PCNT: variants seen among roughly 807,000 people sequenced by gnomAD.
PCNT encodes pericentrin, also known as kendrin.
A neutral mutation model predicts 380.4 loss-of-function variants in PCNT; 319 were observed. The ratio of observed to expected loss-of-function variants is 0.84; its 90% CI spans 0.77 to 0.92. The LOEUF (loss-of-function observed/expected upper bound fraction) is 0.92. PCNT is among the 40% of genes least tolerant of loss of function. The probability of loss-of-function intolerance (pLI) is 0.00; values close to 1 mark genes in which losing one functional copy is unlikely to be tolerated. For missense variants in PCNT, 4,400 were observed against 4,255.3 expected (o/e 1.03, Z -0.95); for synonymous variants, 1,845 against 1,735.2 (o/e 1.06, Z -1.57).
chr21:46,397,378 G>C lies in PCNT; in HGVS notation c.4330G>C (p.Glu1444Gln). The change falls in exon 22 of 47, where the codon GAA becomes CAA. Residue 1444 changes from glutamate (E) to glutamine (Q), a missense_variant. Physicochemically the swap from Glu to Gln is conservative, Grantham distance 29. Coordinates refer to ENST00000359568, the MANE Select transcript of PCNT (RefSeq NM_006031.6). ...GATGAAGATTTTGGAGTCTGAGTTA[G>C]AAGAACAGCTGTCTCAGCATCGCGG... is the stretch of plus-strand genomic sequence containing the variant. ...SQMKILESEL[E>Q]EQLSQHRGCA... is the part of the protein sequence containing the mutation. 1.2e-6 allele frequency: 2 copies of C among 1,614,182 alleles called. No individual in the cohort carries two copies. Among genetic ancestry groups the C allele is most frequent in the Non-Finnish European group, 1.7e-6 (2 of 1,180,038 alleles).
At chr21:46,408,726 T>C (rs2086692252) in intron 27 of PCNT, among the ~76,000 whole-genome samples, 1 of 150,022 alleles carries the variant, frequency 6.7e-6, no homozygotes. Flanking sequence ...AAAGTTTTTT[T>C]TTTTTTTTTT....
rs1464353724 is a variant in PCNT, at chr21:46,381,220, G to A, written c.3166-474G>A. Reference sequence around the variant, plus strand: ...TCTGTGTGTGTGTGTGTGTGTGTGTGTGTGTGTGTGTGTGTGTGTGTGTGT... The same window carrying A: ...TCTGTGTGTGTGTGTGTGTGTGTGTATGTGTGTGTGTGTGTGTGTGTGTGT... On this transcript the variant is annotated intron_variant, in intron 15 of 46. Transcript: ENST00000359568. Among the ~76,000 whole-genome samples, 3 of 147,570 alleles carry A rather than the reference G, an allele frequency of 2.0e-5. 1 individual carries two copies. The highest frequency in any genetic ancestry group is 7.7e-5 in the African/African-American group (3 of 39,144).
intron 5 of PCNT, 26 bp downstream of exon 5, chr21:46,347,024 G>A: frequency 6.3e-7 from 1 of 1,584,476 alleles, no homozygotes; most frequent in East Asian, 2.3e-5. Flanking sequence ...GCGGGCACGG[G>A]CAGCGTGTGG....
At chr21:46,417,254 C>T (rs546312844) in intron 30 of PCNT, among the ~76,000 whole-genome samples, 42 of 126,782 alleles carry the variant, frequency 3.3e-4, no homozygotes, top group Admixed American at 1.1e-3. Flanking sequence ...AGTGCAGTGA[C>T]GCAATCTCGG....
chr21:46,422,067 G>A lies in PCNT; in HGVS notation c.7122G>A (p.Arg2374=), dbSNP rs775668957. The change falls in exon 32 of 47, where the codon AGG becomes AGA. Residue 2374 remains arginine (R), a synonymous_variant. Coordinates refer to ENST00000359568, the MANE Select transcript of PCNT (RefSeq NM_006031.6). ...GPVTPASISG[R]FQPLPEAMKE... The stretch of plus-strand genomic sequence containing the variant: ...TGACCCCTGCTTCCATCTCTGGAAG[G>A]TTTCAGCCGCTGCCGGAAGCCATGA... 6.2e-7 allele frequency: 1 copy of A among 1,613,860 alleles called. No individual in the cohort carries two copies. The highest frequency in any genetic ancestry group is 1.7e-5 in the Admixed American group (1 of 60,036).
At chr21:46,423,730 A>C in intron 32 of PCNT, among the ~76,000 whole-genome samples, 1 of 2,356 alleles carries the variant, frequency 4.2e-4, no homozygotes, top group Non-Finnish European at 7.9e-4. Flanking sequence ...AGAGAAGGGG[A>C]GGGGGAGGGG....
chr21:46,325,068 C>G (rs1273704597), intron 1 of PCNT: 9 of 985,404 alleles, frequency 9.1e-6, no homozygotes, highest in East Asian at 1.1e-4. Flanking sequence ...CCCCGGGTTT[C>G]TCCGTGAAAA....
Position 46,440,695 on chromosome 21 carries a change from T to A in PCNT, c.9394-160T>A, listed in dbSNP as rs577486720. On this transcript the variant is annotated intron_variant, in intron 42 of 46. Coordinates refer to ENST00000359568, the MANE Select transcript of PCNT (RefSeq NM_006031.6). ...AATTGATCTTCCAACAGCAAGGTTG[T>A]TTCTGGCCACAGATACTGTTGGAAG... 3.2e-3 allele frequency among the ~76,000 whole-genome samples: 468 copies of A among 147,686 alleles called. 4 individuals are homozygous for A. Among genetic ancestry groups the A allele is most frequent in the African/African-American group, 0.011 (446 of 39,710 alleles).
At chr21:46,354,175 A>G (rs2084385392) in intron 11 of PCNT, 107 bp downstream of exon 11, 20 of 1,008,892 alleles carry the variant, frequency 2.0e-5, no homozygotes, top group Admixed American at 1.5e-4. Flanking sequence ...CACCTTGTCC[A>G]GGGGAGGAAG....
intron 8 of PCNT, among the ~76,000 whole-genome samples, chr21:46,350,073 G>A (rs972545292): frequency 6.6e-6 from 1 of 152,148 alleles, no homozygotes; most frequent in Non-Finnish European, 1.5e-5. Flanking sequence ...CAGCTACTCG[G>A]GAGGCTGAGG....
intron 3 of PCNT, among the ~76,000 whole-genome samples, chr21:46,342,552 T>C (rs2146486928): frequency 6.6e-6 from 1 of 151,882 alleles, no homozygotes; most frequent in Middle Eastern, 3.4e-3. Flanking sequence ...TTTTTCTTTT[T>C]TTTTTGAGAC....
chr21:46,383,433 G>A (rs1374301615), intron 16 of PCNT, among the ~76,000 whole-genome samples: 3 of 142,946 alleles, frequency 2.1e-5, no homozygotes, highest in East Asian at 2.2e-4. Flanking sequence ...TGGCAGAAGC[G>A]CATTCACGGT....
chr21:46,444,134 T>C (rs1014922091), intron 45 of PCNT, among the ~76,000 whole-genome samples, 186 bp downstream of exon 45: 1 of 152,268 alleles, frequency 6.6e-6, no homozygotes, highest in African/African-American at 2.4e-5. Flanking sequence ...CTGGCTTTTC[T>C]GGTGTCTCTG....
chr21:46,351,536 G>A lies in PCNT; in HGVS notation c.1452G>A (p.Leu484=). The change falls in exon 9 of 47, where the codon TTG becomes TTA. Residue 484 remains leucine (L), a synonymous_variant. Coordinates refer to ENST00000359568, the MANE Select transcript of PCNT (RefSeq NM_006031.6). ...LDSARTSRQE[L]SELHEQLLAR... ...CTGCCAGGACCAGTAGACAGGAATT[G>A]AGTGGTGAGGAATTGTATTGGAAAA... 6.4e-7 allele frequency: 1 copy of A among 1,563,482 alleles called. No homozygotes were observed. Among genetic ancestry groups the A allele is most frequent in the Non-Finnish European group, 8.8e-7 (1 of 1,133,738 alleles).
At chr21:46,326,298 C>T (rs532302174) in intron 1 of PCNT, 79 bp from the exon 2 acceptor site, 1 of 1,384,062 alleles carries the variant, frequency 7.2e-7, no homozygotes, top group Admixed American at 1.9e-5. Flanking sequence ...ATGGTCCCCA[C>T]CAGTCTGTTG....
Position 46,436,140 on chromosome 21 carries a change from C to G in PCNT, c.8988C>G (p.Ala2996=). 6.2e-7 allele frequency: 1 copy of G among 1,607,664 alleles called. No homozygotes were observed. The highest frequency in any genetic ancestry group is 8.5e-7 in the Non-Finnish European group (1 of 1,179,810). The part of the protein sequence containing the change: ...ARLLTSFTSQ[A]VDRTVNDWTS... ...TTCTCACCAGCTTCACCAGCCAGGC[C>G]GTGGACAGGTGTGCACCCACGCCAC... is the stretch of plus-strand genomic sequence containing the variant. Residue 2996 remains alanine, a synonymous_variant, in exon 39 of 47, where the codon GCC becomes GCG. Transcript: ENST00000359568.
Position 46,422,112 on chromosome 21 carries a change from G to C in PCNT, c.7167G>C (p.Pro2389=), listed in dbSNP as rs745406750. The C allele has an allele frequency of 6.2e-7, 1 of 1,613,670 alleles. No homozygotes were observed. The highest frequency in any genetic ancestry group is 1.1e-5 in the South Asian group (1 of 91,080). Reference sequence around the variant, plus strand: ...CCATGAAGGAGAAGGAAGTGCGTCCGAAGCACGTGAAGGTATGGCTGGCAG... The same window carrying C: ...CCATGAAGGAGAAGGAAGTGCGTCCCAAGCACGTGAAGGTATGGCTGGCAG... ...PEAMKEKEVR[P]KHVKALLQMV... The change falls in exon 32 of 47, where the codon CCG becomes CCC. Residue 2389 remains proline, a synonymous_variant. Coordinates refer to ENST00000359568, the MANE Select transcript of PCNT (RefSeq NM_006031.6).
chr21:46,392,547 G>A (rs576154836), intron 21 of PCNT, among the ~76,000 whole-genome samples: 18 of 152,356 alleles, frequency 1.2e-4, no homozygotes, highest in South Asian at 6.2e-4. Flanking sequence ...CACTGCCTTC[G>A]TTGGGTTGGA....
chr21:46,429,967 A>G (rs2087680951), intron 35 of PCNT, 43 bp from the exon 36 acceptor site: 24 of 1,523,036 alleles, frequency 1.6e-5, no homozygotes, highest in Non-Finnish European at 2.1e-5. Flanking sequence ...GTGCAGCACG[A>G]GGAGCTCATG....
Sources: gnomAD v4.1 joint callset for allele counts (sites outside exome capture counted in the v4.1 genomes callset) on GRCh38, gnomAD v4.1.1 for gene constraint, MANE v1.5 for transcripts, NCBI Gene and HGNC (gene_info 2026-07-23, HGNC 2026-07-21) for gene names.